UBAC2: variants seen among roughly 807,000 people sequenced by gnomAD.
UBAC2 encodes UBA domain containing 2, also known as ubiquitin-associated domain-containing protein 2.
Under a neutral mutation model 44.0 loss-of-function variants are expected in UBAC2, and 26 were observed. That is an observed-to-expected ratio of 0.59 (90% CI 0.43 to 0.82). The LOEUF (loss-of-function observed/expected upper bound fraction) is 0.82. UBAC2 is among the 40% of genes least tolerant of loss of function. The probability of loss-of-function intolerance (pLI) is 0.00; values close to 1 mark genes in which losing one functional copy is unlikely to be tolerated. For missense variants in UBAC2, 329 were observed against 419.4 expected (o/e 0.78, Z 1.88); for synonymous variants, 155 against 154.3 (o/e 1.00, Z -0.04).
chr13:99,248,276 T>A (rs2043413640), intron 4 of UBAC2, among the ~76,000 whole-genome samples: 1 of 152,058 alleles, frequency 6.6e-6, no homozygotes, highest in Non-Finnish European at 1.5e-5. Context: ...AGGCCTAGAG[T>A]ACAGTGGTGA....
intron 4 of UBAC2, among the ~76,000 whole-genome samples, chr13:99,263,515 A>C (rs904272014): frequency 4.6e-5 from 7 of 152,236 alleles, no homozygotes; most frequent in African/African-American, 1.7e-4. Flanking sequence ...AGTGCTGGCA[A>C]GGATGTTGAG....
chr13:99,267,001 G>C (rs1169012989), intron 4 of UBAC2, among the ~76,000 whole-genome samples: 1 of 151,976 alleles, frequency 6.6e-6, no homozygotes. Flanking sequence ...ATCTTGGCTC[G>C]CAGGCACACC....
chr13:99,208,216 T>C (rs2042897581), intron 1 of UBAC2, among the ~76,000 whole-genome samples: 1 of 152,196 alleles, frequency 6.6e-6, no homozygotes. Context: ...AGGCTGGTCT[T>C]GAACTCCTGA....
At chr13:99,202,466 A>G (rs758079282) in intron 1 of UBAC2, among the ~76,000 whole-genome samples, 44 of 152,212 alleles carry the variant, frequency 2.9e-4, no homozygotes, top group Admixed American at 2.5e-3. Flanking sequence ...TTCAATTTCA[A>G]TTGTTCTTTA....
At chr13:99,352,732 C>T (rs1263853788) in intron 7 of UBAC2, among the ~76,000 whole-genome samples, 1 of 152,246 alleles carries the variant, frequency 6.6e-6, no homozygotes, top group Admixed American at 6.5e-5. Context: ...CAAGGCAGCA[C>T]GATCCCTCCT....
At chr13:99,382,537 C>CCGTGGTG (rs1361630704) in intron 8 of UBAC2, among the ~76,000 whole-genome samples, 1 of 152,168 alleles carries the variant, frequency 6.6e-6, no homozygotes, top group Non-Finnish European at 1.5e-5. Flanking sequence ...CTGGTGAGAC[C>CCGTGGTG]ACACCCGTGG....
At chr13:99,281,360 C>T (rs1248695076) in intron 4 of UBAC2, among the ~76,000 whole-genome samples, 2 of 151,870 alleles carry the variant, frequency 1.3e-5, no homozygotes, top group Non-Finnish European at 1.5e-5. Flanking sequence ...TCCATTCATT[C>T]TTATATTCAC....
chr13:99,365,791 T>A (rs2045322465), intron 7 of UBAC2, among the ~76,000 whole-genome samples: 2 of 152,228 alleles, frequency 1.3e-5, no homozygotes, highest in African/African-American at 4.8e-5. Context: ...ATTTTTTATA[T>A]TATTTTTTGT....
At chr13:99,235,622 A>G (rs1023378907) in intron 1 of UBAC2, among the ~76,000 whole-genome samples, 6 of 152,312 alleles carry the variant, frequency 3.9e-5, no homozygotes, top group African/African-American at 1.4e-4. Flanking sequence ...AAATCCATGC[A>G]TTTGCAGCCA....
At chr13:99,209,721 C>T (rs1179591026) in intron 1 of UBAC2, among the ~76,000 whole-genome samples, 1 of 152,230 alleles carries the variant, frequency 6.6e-6, no homozygotes, top group Non-Finnish European at 1.5e-5. Flanking sequence ...CGCCTGTAAT[C>T]CCAGCACTTT....
At chr13:99,237,860 C>T (rs913759122) in intron 1 of UBAC2, among the ~76,000 whole-genome samples, 2 of 152,138 alleles carry the variant, frequency 1.3e-5, no homozygotes, top group African/African-American at 2.4e-5. Flanking sequence ...GAGGCTGAGG[C>T]AGGAGAATCG....
chr13:99,355,621 C>T (rs1446610842), intron 7 of UBAC2, among the ~76,000 whole-genome samples: 1 of 152,236 alleles, frequency 6.6e-6, no homozygotes, highest in African/African-American at 2.4e-5. Context: ...CAAACCAAAA[C>T]ACAGGAAAAG....
intron 4 of UBAC2, among the ~76,000 whole-genome samples, chr13:99,281,390 C>T (rs1374093944): frequency 1.3e-5 from 2 of 152,060 alleles, no homozygotes; most frequent in African/African-American, 4.8e-5. Flanking sequence ...CCTTTCTCAA[C>T]CAAAAAGTTC....
intron 7 of UBAC2, among the ~76,000 whole-genome samples, chr13:99,349,992 GC>G (rs749601072): frequency 2.0e-5 from 3 of 152,136 alleles, no homozygotes; most frequent in Non-Finnish European, 4.4e-5. Flanking sequence ...TGACCAAGGA[GC>G]CCTCATGCCG....
chr13:99,267,309 G>A (rs1437569664), intron 4 of UBAC2, among the ~76,000 whole-genome samples: 3 of 152,022 alleles, frequency 2.0e-5, no homozygotes, highest in East Asian at 1.9e-4. Context: ...CTCTTACTCC[G>A]TAGGGTGCCT....
chr13:99,260,359 G>T (rs764128251), intron 4 of UBAC2, among the ~76,000 whole-genome samples: 1 of 152,178 alleles, frequency 6.6e-6, no homozygotes, highest in African/African-American at 2.4e-5. Context: ...TAGAGAAGAG[G>T]CATTTAATAT....
Position 99,214,987 on chromosome 13 carries a change from GT to G in UBAC2, c.31+14060del, listed in dbSNP as rs112026030. On this transcript the variant is annotated intron_variant, in intron 1 of 8. Coordinates refer to ENST00000403766, the MANE Select transcript of UBAC2 (RefSeq NM_001144072.2). ...CTCCCTTTTCAGTTCTTTTCTTTTT[GT>G]TTTTTTTTTTTCTTGGGGGATATGA... Among the ~76,000 whole-genome samples, 263 of 141,126 alleles carry G rather than the reference GT, an allele frequency of 1.9e-3. 1 individual carries two copies. The East Asian group carries it at 0.021, about 11-fold the overall frequency. 92.6% of individuals were successfully genotyped at this position (141,126 alleles called of 152,430 possible). A position where few individuals can be genotyped will look rare whatever the true frequency, so the allele number is the denominator to read the frequency against.
At chr13:99,285,035 A>C (rs2044000387) in intron 4 of UBAC2, among the ~76,000 whole-genome samples, 1 of 152,186 alleles carries the variant, frequency 6.6e-6, no homozygotes, top group Non-Finnish European at 1.5e-5. Context: ...AAGTATTTTG[A>C]AGCAATTTCC....
At chr13:99,207,695 T>G (rs892558015) in intron 1 of UBAC2, among the ~76,000 whole-genome samples, 1 of 152,200 alleles carries the variant, frequency 6.6e-6, no homozygotes, top group African/African-American at 2.4e-5. Flanking sequence ...TCCACTGGTG[T>G]CAGCCTGTGG....
Sources: allele counts gnomAD v4.1 joint callset (sites outside exome capture counted in the v4.1 genomes callset), GRCh38; gene constraint gnomAD v4.1.1; transcripts MANE v1.5; gene names NCBI Gene and HGNC (gene_info 2026-07-23, HGNC 2026-07-21).